UHRF2: variants seen among roughly 807,000 people sequenced by gnomAD.
UHRF2 encodes the protein E3 ubiquitin-protein ligase UHRF2.
In UHRF2, 23 loss-of-function variants were observed where a neutral mutation model predicts 96.8. The observed-to-expected ratio is 0.24, with a 90% confidence interval of 0.17 to 0.34. The LOEUF is 0.34. UHRF2 is among the 10% of genes least tolerant of loss of function. The probability of loss-of-function intolerance (pLI) is 1.00; values close to 1 mark genes in which losing one functional copy is unlikely to be tolerated. For synonymous variants in UHRF2, 385 were observed against 332.6 expected, an observed-to-expected ratio of 1.16 and a Z score of -1.72; for missense variants, 685 against 981.5, an observed-to-expected ratio of 0.70 and a Z score of 4.04.
Position 6,413,361 on chromosome 9 carries a change from T to A in UHRF2, c.-130T>A. The A allele has an allele frequency of 1.0e-6, 1 of 958,150 alleles. No individual in the cohort carries two copies. The highest frequency in any genetic ancestry group is 5.3e-5 in the South Asian group (1 of 18,998). The allele number at this position is 958,150 out of a possible 1,614,324, so 59.4% of individuals were successfully genotyped here. On this transcript the variant is annotated 5_prime_UTR_variant, in exon 1 of 16. Coordinates refer to ENST00000276893, the MANE Select transcript of UHRF2 (RefSeq NM_152896.3). ...CCTGTCGGGCCCGGCGTCCGGTCGG[T>A]CCGGTGGGCGCGCTCGCCCGCCTGC...
intron 3 of UHRF2, among the ~76,000 whole-genome samples, chr9:6,459,485 A>G (rs972110694): frequency 1.3e-5 from 2 of 152,186 alleles, no homozygotes; most frequent in African/African-American, 4.8e-5. Context: ...CCTGGCCAAC[A>G]TGGCAAAACC....
intron 4 of UHRF2, among the ~76,000 whole-genome samples, chr9:6,468,049 T>TC (rs759766412): frequency 5.9e-5 from 9 of 152,228 alleles, no homozygotes; most frequent in Non-Finnish European, 8.8e-5. Context: ...CCATTTAGTG[T>TC]CCCAGCTTTA....
At chr9:6,481,941 CATT>C in intron 7 of UHRF2, 48 bp from the exon 8 acceptor site, 1 of 1,591,580 alleles carries the variant, frequency 6.3e-7, no homozygotes, top group Non-Finnish European at 8.6e-7. Context: ...TAAGGGCTTT[CATT>C]AAAATTTAAC....
intron 3 of UHRF2, among the ~76,000 whole-genome samples, chr9:6,452,277 A>G (rs539443469): frequency 9.9e-5 from 15 of 152,234 alleles, no homozygotes; most frequent in Middle Eastern, 3.4e-3. Context: ...TTTCATCAGG[A>G]TTTTATTTAT....
chr9:6,457,976 G>A (rs1262184039), intron 3 of UHRF2, among the ~76,000 whole-genome samples: 1 of 152,004 alleles, frequency 6.6e-6, no homozygotes, highest in African/African-American at 2.4e-5. Flanking sequence ...TTCTTTTTTT[G>A]TTGTGTCTCT....
chr9:6,497,074 T>C, intron 10 of UHRF2, 124 bp from the exon 11 acceptor site: 1 of 888,024 alleles, frequency 1.1e-6, no homozygotes, highest in Non-Finnish European at 1.7e-6. Flanking sequence ...TGGAATAATA[T>C]GGAAAGAATC....
intron 2 of UHRF2, among the ~76,000 whole-genome samples, chr9:6,430,701 C>T (rs537154508): frequency 6.6e-6 from 1 of 152,142 alleles, no homozygotes; most frequent in Non-Finnish European, 1.5e-5. Context: ...AATCCAAAGC[C>T]CACTGACATT....
At chr9:6,433,201 T>C (rs1439731856) in intron 2 of UHRF2, among the ~76,000 whole-genome samples, 1 of 152,196 alleles carries the variant, frequency 6.6e-6, no homozygotes, top group Non-Finnish European at 1.5e-5. Flanking sequence ...TAACTCTTAA[T>C]TCTCTGATAC....
At chr9:6,496,491 A>C (rs1824979482) in intron 10 of UHRF2, 1 of 152,232 alleles carries the variant, frequency 6.6e-6, no homozygotes, top group African/African-American at 2.4e-5. Flanking sequence ...GTTCCAGCTA[A>C]GTCAGGTACT....
Position 6,493,889 on chromosome 9 carries a change from A to G in UHRF2, c.1561A>G (p.Ile521Val). 6.2e-7 allele frequency: 1 copy of G among 1,614,034 alleles called. No homozygotes were observed. The highest frequency in any genetic ancestry group is 8.5e-7 in the Non-Finnish European group (1 of 1,179,958). The change falls in exon 10 of 16, where the codon ATT becomes GTT. Residue 521 changes from isoleucine (I) to valine (V), a missense_variant. Physicochemically the swap from Ile to Val is conservative, Grantham distance 29 (BLOSUM62 3). Coordinates refer to ENST00000276893, the MANE Select transcript of UHRF2 (RefSeq NM_152896.3). ...TAAAAATCTTGCTGGTAACAAAAGAATTGGTGCACCTTCAGCTGATCAAAC... is the reference window on the plus strand; with the variant it reads ...TAAAAATCTTGCTGGTAACAAAAGAGTTGGTGCACCTTCAGCTGATCAAAC... ...GGKNLAGNKR[I>V]GAPSADQTLT...
chr9:6,505,420 G>A (rs1026851343), intron 15 of UHRF2, among the ~76,000 whole-genome samples: 4 of 151,986 alleles, frequency 2.6e-5, no homozygotes, highest in Admixed American at 2.6e-4. Context: ...CTCAGCCTGT[G>A]GAGTAGCTGG....
At chr9:6,428,886 G>A (rs1820416735) in intron 2 of UHRF2, among the ~76,000 whole-genome samples, 1 of 152,082 alleles carries the variant, frequency 6.6e-6, no homozygotes, top group African/African-American at 2.4e-5. Flanking sequence ...AGATGGGGCC[G>A]AGTGTGGTGG....
At chr9:6,481,573 G>T in intron 6 of UHRF2, 70 bp from the exon 7 acceptor site, 1 of 1,549,934 alleles carries the variant, frequency 6.5e-7, no homozygotes, top group Non-Finnish European at 8.7e-7. Flanking sequence ...TACCTAGGAA[G>T]GCTAATATTC....
intron 1 of UHRF2, among the ~76,000 whole-genome samples, chr9:6,415,724 A>G (rs1005700759): frequency 2.0e-5 from 3 of 152,214 alleles, no homozygotes; most frequent in Non-Finnish European, 4.4e-5. Flanking sequence ...CCAGCTTTTA[A>G]TCTTTGGTAT....
At chr9:6,420,450 C>T (rs1819863540) in intron 1 of UHRF2, among the ~76,000 whole-genome samples, 2 of 149,878 alleles carry the variant, frequency 1.3e-5, no homozygotes, top group Admixed American at 6.6e-5. Context: ...ACGCTGTAAT[C>T]CCAGCACTTT....
At chr9:6,475,900 ATTCTT>A (rs1386907786) in intron 5 of UHRF2, among the ~76,000 whole-genome samples, 3 of 152,134 alleles carry the variant, frequency 2.0e-5, no homozygotes, top group Non-Finnish European at 2.9e-5. Context: ...TTCTAAATCT[ATTCTT>A]TTAGCGATTT....
chr9:6,433,205 C>G (rs1420343604), intron 2 of UHRF2, among the ~76,000 whole-genome samples: 2 of 152,188 alleles, frequency 1.3e-5, no homozygotes, highest in African/African-American at 4.8e-5. Context: ...TCTTAATTCT[C>G]TGATACACCT....
chr9:6,488,086 CAG>C lies in UHRF2; in HGVS notation c.1497+1165_1497+1166del, dbSNP rs1491507306. On this transcript the variant is annotated intron_variant, in intron 9 of 15. Transcript: ENST00000276893. ...CAAAGCCCTGTCCCTACCAAAAAAA[CAG>C]AGAAATTAGCTGGGTGTGGTGGCAT... 2.7e-3 allele frequency among the ~76,000 whole-genome samples: 400 copies of C among 150,858 alleles called. 2 individuals are homozygous for C. The highest frequency in any genetic ancestry group is 5.0e-3 in the Non-Finnish European group (337 of 67,630).
At chr9:6,476,301 C>T (rs1030182589) in intron 5 of UHRF2, among the ~76,000 whole-genome samples, 1 of 152,016 alleles carries the variant, frequency 6.6e-6, no homozygotes, top group Non-Finnish European at 1.5e-5. Flanking sequence ...GCTGTTTCTT[C>T]TGTTATAGAT....
Sources: gnomAD v4.1 joint callset for allele counts (sites outside exome capture counted in the v4.1 genomes callset) on GRCh38, gnomAD v4.1.1 for gene constraint, MANE v1.5 for transcripts, NCBI Gene and HGNC (gene_info 2026-07-23, HGNC 2026-07-21) for gene names.